Variants in DLG2 observed in about 807,000 individuals in gnomAD.
The protein encoded by DLG2 is disks large homolog 2.
A neutral mutation model predicts 132.5 loss-of-function variants in DLG2; 45 were observed. The ratio of observed to expected loss-of-function variants is 0.34; its 90% CI spans 0.27 to 0.44. The LOEUF (loss-of-function observed/expected upper bound fraction) is 0.44. Among genes scored for constraint, DLG2 ranks in the 20% least tolerant of loss-of-function variants. DLG2 has a pLI of 1.00. For synonymous variants in DLG2, 424 were observed against 419.6 expected, an observed-to-expected ratio of 1.01 and a Z score of -0.13; for missense variants, 1,045 against 1,196.9, an observed-to-expected ratio of 0.87 and a Z score of 1.87.
At chr11:84,015,767 T>G (rs2095147323) in intron 11 of DLG2, among the ~76,000 whole-genome samples, 1 of 152,208 alleles carries the variant, frequency 6.6e-6, no homozygotes, top group Non-Finnish European at 1.5e-5. Context: ...TACCACATTT[T>G]CTTTATCTAG....
rs376584504 is a variant in DLG2, at chr11:84,012,975, G to T, written c.920-32333C>A. 1.7e-3 allele frequency among the ~76,000 whole-genome samples: 249 copies of T among 150,236 alleles called. 2 individuals are homozygous for T. Among genetic ancestry groups the T allele is most frequent in the African/African-American group, 6.0e-3 (243 of 40,508 alleles). Reference sequence around the variant, plus strand: ...ACTTCTATCAACAGGTCTCAGATCTGTCTTTTAAAGGAAAAGAGAATAAGC... The same window carrying T: ...ACTTCTATCAACAGGTCTCAGATCTTTCTTTTAAAGGAAAAGAGAATAAGC... On this transcript the variant is annotated intron_variant, in intron 11 of 27. Coordinates refer to ENST00000376104, the MANE Select transcript of DLG2 (RefSeq NM_001142699.3).
chr11:84,694,356 C>T (rs918971763), intron 6 of DLG2, among the ~76,000 whole-genome samples: 2 of 151,610 alleles, frequency 1.3e-5, no homozygotes, highest in African/African-American at 4.8e-5. Flanking sequence ...GTTTTACAAT[C>T]TTAGTAATTT....
intron 7 of DLG2, among the ~76,000 whole-genome samples, chr11:84,353,401 A>C (rs1400194589): frequency 6.6e-6 from 1 of 152,096 alleles, no homozygotes; most frequent in African/African-American, 2.4e-5. Flanking sequence ...CAGCTGCACA[A>C]ACTATACATC....
At chr11:84,289,703 C>T (rs1470203648) in intron 7 of DLG2, among the ~76,000 whole-genome samples, 2 of 152,058 alleles carry the variant, frequency 1.3e-5, no homozygotes, top group Admixed American at 1.3e-4. Context: ...GATGATCCAC[C>T]CAGGCATGAC....
chr11:84,883,467 A>G (rs2154056023), intron 6 of DLG2, among the ~76,000 whole-genome samples: 1 of 150,428 alleles, frequency 6.6e-6, no homozygotes, highest in African/African-American at 2.5e-5. Flanking sequence ...CCACAAAAGT[A>G]AAAAATAAAA....
intron 6 of DLG2, among the ~76,000 whole-genome samples, chr11:84,592,013 C>T (rs1033097065): frequency 6.6e-6 from 1 of 152,054 alleles, no homozygotes; most frequent in African/African-American, 2.4e-5. Flanking sequence ...GCCATCACGC[C>T]AGGCTGATTT....
At chr11:83,755,652 T>C (rs941074887) in intron 18 of DLG2, among the ~76,000 whole-genome samples, 1 of 151,360 alleles carries the variant, frequency 6.6e-6, no homozygotes, top group Non-Finnish European at 1.5e-5. Context: ...GAATCTAAGC[T>C]ATTGTAATAA....
At chr11:84,374,940 C>A (rs2098723099) in intron 7 of DLG2, among the ~76,000 whole-genome samples, 1 of 152,062 alleles carries the variant, frequency 6.6e-6, no homozygotes, top group East Asian at 1.9e-4. Flanking sequence ...CCCCTAAATA[C>A]AATATGTATT....
intron 6 of DLG2, among the ~76,000 whole-genome samples, chr11:85,099,295 G>C (rs927929592): frequency 1.1e-4 from 17 of 152,242 alleles, no homozygotes; most frequent in African/African-American, 3.9e-4. Flanking sequence ...GATCTAATGA[G>C]GTGAGTCTGA....
At chr11:83,484,652 C>T (rs1043731532) in intron 21 of DLG2, among the ~76,000 whole-genome samples, 2 of 152,192 alleles carry the variant, frequency 1.3e-5, no homozygotes, top group East Asian at 1.9e-4. Context: ...TCACAAAAGA[C>T]AATGTAAACA....
At chr11:83,534,432 T>G (rs2095834202) in intron 20 of DLG2, among the ~76,000 whole-genome samples, 1 of 152,210 alleles carries the variant, frequency 6.6e-6, no homozygotes. Flanking sequence ...CTTAATAGTT[T>G]ATGGAGTCTA....
At chr11:83,672,029 G>A (rs2076914189) in intron 18 of DLG2, among the ~76,000 whole-genome samples, 1 of 152,082 alleles carries the variant, frequency 6.6e-6, no homozygotes, top group African/African-American at 2.4e-5. Context: ...TGAATGGAGG[G>A]TAAGACAAAT....
chr11:85,388,955 C>T (rs1444799866), intron 3 of DLG2, among the ~76,000 whole-genome samples: 1 of 152,024 alleles, frequency 6.6e-6, no homozygotes, highest in Non-Finnish European at 1.5e-5. Context: ...CTAATGCCCC[C>T]AAAAGATCAC....
At chr11:83,508,602 T>A (rs769004740) in intron 21 of DLG2, among the ~76,000 whole-genome samples, 2 of 151,980 alleles carry the variant, frequency 1.3e-5, no homozygotes, top group African/African-American at 4.8e-5. Flanking sequence ...TGTGCCATTG[T>A]CACAACATAC....
intron 6 of DLG2, among the ~76,000 whole-genome samples, chr11:84,908,918 CA>C (rs1427786252): frequency 3.3e-5 from 5 of 151,550 alleles, no homozygotes; most frequent in African/African-American, 1.2e-4. Flanking sequence ...GCTGAAGAAA[CA>C]AAGGCTAAGA....
chr11:85,394,803 A>G (rs1391490433), intron 3 of DLG2, among the ~76,000 whole-genome samples: 1 of 152,150 alleles, frequency 6.6e-6, no homozygotes, highest in Admixed American at 6.6e-5. Context: ...TAGCCCCAAC[A>G]CCATGAATGC....
intron 6 of DLG2, among the ~76,000 whole-genome samples, chr11:84,593,272 T>G (rs1476871341): frequency 2.0e-5 from 3 of 152,176 alleles, no homozygotes; most frequent in African/African-American, 7.2e-5. Context: ...AAATACCATT[T>G]GACCGCCAAT....
intron 7 of DLG2, among the ~76,000 whole-genome samples, chr11:84,304,715 T>C (rs1308179280): frequency 6.6e-6 from 1 of 152,234 alleles, no homozygotes; most frequent in Non-Finnish European, 1.5e-5. Flanking sequence ...TTTTCATGTC[T>C]GAAATATTAT....
intron 5 of DLG2, among the ~76,000 whole-genome samples, chr11:85,116,194 T>A (rs959329981): frequency 1.3e-5 from 2 of 152,004 alleles, no homozygotes; most frequent in African/African-American, 2.4e-5. Flanking sequence ...TTTAGAAATG[T>A]AATGGATAAT....
Sources: gnomAD v4.1 joint callset for allele counts (sites outside exome capture counted in the v4.1 genomes callset) on GRCh38, gnomAD v4.1.1 for gene constraint, MANE v1.5 for transcripts, NCBI Gene and HGNC (gene_info 2026-07-23, HGNC 2026-07-21) for gene names.